Variants in KLHL15 observed in about 807,000 individuals in gnomAD.
KLHL15 encodes the protein kelch like family member 15, also known as kelch-like protein 15.
Under a neutral mutation model 29.3 loss-of-function variants are expected in KLHL15, and 1 was observed. The observed-to-expected ratio is 0.03, with a 90% confidence interval of 0.01 to 0.16. The LOEUF (loss-of-function observed/expected upper bound fraction) is 0.16, where lower values mean the gene tolerates loss of function less well. Among genes scored for constraint, KLHL15 ranks in the 10% least tolerant of loss-of-function variants. KLHL15 has a pLI of 1.00. For missense variants in KLHL15, 215 were observed against 478.5 expected, an observed-to-expected ratio of 0.45 and a Z score of 5.14; for synonymous variants, 212 against 184.5, an observed-to-expected ratio of 1.15 and a Z score of -1.21.
chrX:23,998,173 G>A (rs1023068993), intron 3 of KLHL15, among the ~76,000 whole-genome samples: 1 of 111,127 alleles, frequency 9.0e-6, no homozygotes, highest in Non-Finnish European at 1.9e-5. Flanking sequence ...ATGTTGGTCA[G>A]GCTGGTCTCG....
At chrX:24,007,506 A>ATATATAT (rs1320532694) in intron 2 of KLHL15, among the ~76,000 whole-genome samples, 14 of 58,347 alleles carry the variant, frequency 2.4e-4, no homozygotes, top group Admixed American at 3.8e-4. Flanking sequence ...AAAAAAAAAA[A>ATATATAT]AAATATATAT....
intron 3 of KLHL15, among the ~76,000 whole-genome samples, chrX:23,999,610 A>AAAAAAG (rs1263045330): frequency 9.1e-6 from 1 of 109,776 alleles, no homozygotes; most frequent in African/African-American, 3.3e-5. Flanking sequence ...AAAAAAAAAA[A>AAAAAAG]AGAGAGAATC....
chrX:24,004,310 C>A (rs759024866), intron 3 of KLHL15, among the ~76,000 whole-genome samples: 25 of 110,136 alleles, frequency 2.3e-4, no homozygotes, highest in Admixed American at 2.2e-3. Context: ...GAGCTGAGAT[C>A]GCAGCACTGC....
At chrX:24,010,835 T>C (rs924803081) in intron 2 of KLHL15, among the ~76,000 whole-genome samples, 1 of 111,168 alleles carries the variant, frequency 9.0e-6, no homozygotes, top group African/African-American at 3.3e-5. Context: ...AGGGAGGCTG[T>C]CACTGCCAGT....
intron 3 of KLHL15, among the ~76,000 whole-genome samples, chrX:24,004,233 G>A (rs1043683901): frequency 9.0e-6 from 1 of 111,380 alleles, no homozygotes; most frequent in Non-Finnish European, 1.9e-5. Flanking sequence ...GTGGGTAACT[G>A]TAATCCCAGC....
Position 23,985,633 on chromosome X carries a change from C to G in KLHL15, c.*2288G>C, listed in dbSNP as rs1236215770. The G allele has an allele frequency of 8.9e-6, 1 of 112,278 alleles. No individual in the cohort carries two copies. Among genetic ancestry groups the G allele is most frequent in the Admixed American group, 9.5e-5 (1 of 10,564 alleles). 9.3% of individuals were successfully genotyped at this position (112,278 alleles called of 1,213,427 possible). ...TACAAAACATGAACTTTGATCTTGGCCTCTGTCTTTAAAATGGAAGACCAA... is the reference window on the plus strand; with the variant it reads ...TACAAAACATGAACTTTGATCTTGGGCTCTGTCTTTAAAATGGAAGACCAA... On this transcript the variant is annotated 3_prime_UTR_variant, in exon 4 of 4. Transcript: ENST00000328046.
chrX:24,005,058 T>C (rs1487654745), intron 3 of KLHL15, among the ~76,000 whole-genome samples: 1 of 110,296 alleles, frequency 9.1e-6, no homozygotes, highest in Non-Finnish European at 1.9e-5. Context: ...CTATTTAACA[T>C]GAAAAGTGAC....
intron 3 of KLHL15, among the ~76,000 whole-genome samples, chrX:23,999,696 T>C (rs1034018395): frequency 4.5e-5 from 5 of 110,740 alleles, no homozygotes; most frequent in African/African-American, 1.6e-4. Context: ...CAAGATACTA[T>C]CTTTCCTTCC....
chrX:23,999,857 TG>T (rs769627132), intron 3 of KLHL15, among the ~76,000 whole-genome samples: 232 of 112,222 alleles, frequency 2.1e-3, no homozygotes, highest in Middle Eastern at 0.014. Flanking sequence ...ACACCTTGCG[TG>T]ATTTCGAAAG....
intron 2 of KLHL15, among the ~76,000 whole-genome samples, chrX:24,007,424 C>A (rs1452766947): frequency 5.1e-5 from 5 of 98,350 alleles, no homozygotes. Flanking sequence ...ACTCGGGAGA[C>A]GGAGGTTGCA....
intron 3 of KLHL15, among the ~76,000 whole-genome samples, chrX:24,003,320 C>T (rs1031300929): frequency 1.9e-5 from 2 of 108,047 alleles, no homozygotes; most frequent in South Asian, 4.0e-4. Context: ...CCGAGGCAGG[C>T]GGATCACGAG....
chrX:24,007,508 A>AAATAT (rs1307669839), intron 2 of KLHL15, among the ~76,000 whole-genome samples: 1 of 35,921 alleles, frequency 2.8e-5, no homozygotes, highest in African/African-American at 1.5e-4. Context: ...AAAAAAAAAA[A>AAATAT]ATATATATAT....
intron 3 of KLHL15, among the ~76,000 whole-genome samples, chrX:24,003,536 G>T (rs1311729271): frequency 2.0e-5 from 2 of 100,616 alleles, no homozygotes; most frequent in Non-Finnish European, 4.0e-5. Flanking sequence ...CTGGGCAACA[G>T]AGTGAGACTC....
chrX:24,002,850 A>G (rs1569267081), intron 3 of KLHL15, among the ~76,000 whole-genome samples: 1 of 111,398 alleles, frequency 9.0e-6, no homozygotes, highest in African/African-American at 3.3e-5. Flanking sequence ...CTGTTCCCCA[A>G]CTCCTGGGCT....
At chrX:23,990,956 T>C (rs1421521448) in intron 3 of KLHL15, among the ~76,000 whole-genome samples, 2 of 111,284 alleles carry the variant, frequency 1.8e-5, no homozygotes, top group Non-Finnish European at 3.8e-5. Flanking sequence ...ATCATTAAAA[T>C]CATTATTTTG....
rs1447449941 is a variant in KLHL15, at chrX:23,987,465, G to A, written c.*456C>T. The A allele has an allele frequency of 8.9e-6, 1 of 112,829 alleles. No homozygotes were observed. The highest frequency in any genetic ancestry group is 1.9e-5 in the Non-Finnish European group (1 of 53,863). The allele number at this position is 112,829 out of a possible 1,213,427, so 9.3% of individuals were successfully genotyped here. ...TTTTCAGCAAAAAGCCATGCAAAAA[G>A]GTCAAGAGTTTTAAACTTTTAAATA... On this transcript the variant is annotated 3_prime_UTR_variant, in exon 4 of 4. Coordinates refer to ENST00000328046, the MANE Select transcript of KLHL15 (RefSeq NM_030624.3).
At chrX:24,015,063 T>A (rs1407555172) in intron 2 of KLHL15, among the ~76,000 whole-genome samples, 1 of 112,177 alleles carries the variant, frequency 8.9e-6, no homozygotes, top group Non-Finnish European at 1.9e-5. Context: ...TGTCTGCCCT[T>A]GGGTTCTGAG....
In KLHL15 at chrX:24,011,887, C is replaced by T. The variant is rs944945424; in HGVS notation, c.-7-5187G>A. Among the ~76,000 whole-genome samples the T allele has an allele frequency of 7.1e-5, 8 of 112,491 alleles. No homozygotes were observed. In the East Asian group the frequency reaches 2.0e-3, roughly 28 times the overall value. On this transcript the variant is annotated intron_variant, in intron 2 of 3. Coordinates refer to ENST00000328046, the MANE Select transcript of KLHL15 (RefSeq NM_030624.3). Reference sequence around the variant, plus strand: ...AGAGTAGGCCAGGTGCGGTGGCTCACGCCTGTAATCCCAGCATTTTGGGAG... The same window carrying T: ...AGAGTAGGCCAGGTGCGGTGGCTCATGCCTGTAATCCCAGCATTTTGGGAG...
intron 2 of KLHL15, among the ~76,000 whole-genome samples, chrX:24,009,253 T>C (rs959683181): frequency 9.0e-6 from 1 of 110,782 alleles, no homozygotes; most frequent in African/African-American, 3.3e-5. Flanking sequence ...TCCCAACACT[T>C]TGGGAGGCCG....
Sources: gnomAD v4.1 joint callset for allele counts (sites outside exome capture counted in the v4.1 genomes callset) on GRCh38, gnomAD v4.1.1 for gene constraint, MANE v1.5 for transcripts, NCBI Gene and HGNC (gene_info 2026-07-23, HGNC 2026-07-21) for gene names.